LIN28B: variants seen among roughly 807,000 people sequenced by gnomAD.
LIN28B encodes protein lin-28 homolog B.
Under a neutral mutation model 21.9 loss-of-function variants are expected in LIN28B, and 5 were observed. That is an observed-to-expected ratio of 0.23 (90% CI 0.12 to 0.48). The LOEUF (loss-of-function observed/expected upper bound fraction) is 0.48. Among genes scored for constraint, LIN28B ranks in the 20% least tolerant of loss-of-function variants. The pLI, the probability that LIN28B is intolerant of heterozygous loss-of-function variation, is 0.98. For synonymous variants in LIN28B, 109 were observed against 111.3 expected (o/e 0.98, Z 0.13); for missense variants, 245 against 310.5 (o/e 0.79, Z 1.58).
chr6:104,986,155 G>T (rs527929188), intron 2 of LIN28B, among the ~76,000 whole-genome samples: 2 of 151,938 alleles, frequency 1.3e-5, no homozygotes, highest in African/African-American at 4.8e-5. Flanking sequence ...TCTCTTCCTC[G>T]TGCTCTAGCC....
chr6:104,981,629 G>A lies in LIN28B; in HGVS notation c.198+23343G>A, dbSNP rs1259984401. On this transcript the variant is annotated intron_variant, in intron 2 of 3. Coordinates refer to ENST00000345080, the MANE Select transcript of LIN28B (RefSeq NM_001004317.4). Reference sequence around the variant, plus strand: ...TGTGTATACTTGTACAGTGCGATTTGTAAAGCCGCTTCCTATTCAAAAGAC... The same window carrying A: ...TGTGTATACTTGTACAGTGCGATTTATAAAGCCGCTTCCTATTCAAAAGAC... Among the ~76,000 whole-genome samples the A allele has an allele frequency of 2.6e-5, 4 of 152,172 alleles. No homozygotes were observed. The East Asian group carries it at 5.8e-4, about 22-fold the overall frequency.
intron 2 of LIN28B, among the ~76,000 whole-genome samples, chr6:104,978,047 G>A (rs1190094013): frequency 6.6e-6 from 1 of 152,158 alleles, no homozygotes; most frequent in Non-Finnish European, 1.5e-5. Context: ...AGAAAACCAA[G>A]TGTTTAACCT....
chr6:104,962,148 A>G (rs918398969), intron 2 of LIN28B, among the ~76,000 whole-genome samples: 3 of 152,124 alleles, frequency 2.0e-5, no homozygotes, highest in Non-Finnish European at 2.9e-5. Context: ...ATAATACTTC[A>G]CATATTGGGT....
chr6:105,066,481 G>T (rs1276860562), intron 3 of LIN28B, among the ~76,000 whole-genome samples: 2 of 152,080 alleles, frequency 1.3e-5, no homozygotes, highest in East Asian at 1.9e-4. Flanking sequence ...AATCTTGTAT[G>T]TACAGTACAT....
chr6:105,046,995 T>A (rs1186811964), intron 3 of LIN28B, among the ~76,000 whole-genome samples: 3 of 152,196 alleles, frequency 2.0e-5, no homozygotes, highest in Non-Finnish European at 4.4e-5. Flanking sequence ...GTAGTTTCTT[T>A]TGCTGTGCAG....
At chr6:105,038,418 C>T (rs6932927) in intron 3 of LIN28B, among the ~76,000 whole-genome samples, 2,516 of 152,204 alleles carry the variant, frequency 0.017, 64 homozygotes, top group African/African-American at 0.058. Context: ...CAGTGGCAGG[C>T]TGCTGTTGGT....
At chr6:105,042,859 C>T (rs1003669912) in intron 3 of LIN28B, among the ~76,000 whole-genome samples, 1 of 152,138 alleles carries the variant, frequency 6.6e-6, no homozygotes, top group Non-Finnish European at 1.5e-5. Flanking sequence ...AACATGAGTA[C>T]AGAGGTGGCT....
chr6:104,966,810 A>T (rs901512684), intron 2 of LIN28B, among the ~76,000 whole-genome samples: 1 of 152,010 alleles, frequency 6.6e-6, no homozygotes, highest in Non-Finnish European at 1.5e-5. Flanking sequence ...TTTAGTAGAG[A>T]TGGGGTTTCA....
chr6:104,975,937 C>G (rs1387993642), intron 2 of LIN28B, among the ~76,000 whole-genome samples: 1 of 151,646 alleles, frequency 6.6e-6, no homozygotes, highest in Non-Finnish European at 1.5e-5. Context: ...CCACCTTGGC[C>G]TCCCAAAGTG....
At chr6:104,982,670 G>A (rs1770251406) in intron 2 of LIN28B, among the ~76,000 whole-genome samples, 1 of 152,150 alleles carries the variant, frequency 6.6e-6, no homozygotes, top group Admixed American at 6.5e-5. Context: ...GTTGCATGGA[G>A]ACAAGTACTG....
intron 2 of LIN28B, among the ~76,000 whole-genome samples, chr6:105,013,386 G>A (rs1301679968): frequency 1.3e-5 from 2 of 151,596 alleles, no homozygotes; most frequent in South Asian, 2.1e-4. Flanking sequence ...TTCTATTTAT[G>A]TATCTTTTTT....
At chr6:104,958,342 C>G in intron 2 of LIN28B, 56 bp downstream of exon 2, 2 of 1,359,198 alleles carry the variant, frequency 1.5e-6, no homozygotes, top group Non-Finnish European at 2.0e-6. Flanking sequence ...AGGAGCTGAT[C>G]GGTAGTTATG....
At chr6:104,974,441 A>G (rs371083958) in intron 2 of LIN28B, among the ~76,000 whole-genome samples, 44 of 151,004 alleles carry the variant, frequency 2.9e-4, no homozygotes, top group African/African-American at 1.1e-3. Context: ...GTGAGCCAAT[A>G]TCATGCCACT....
intron 3 of LIN28B, among the ~76,000 whole-genome samples, chr6:105,049,969 T>C (rs1385445709): frequency 1.3e-5 from 2 of 152,206 alleles, no homozygotes; most frequent in African/African-American, 4.8e-5. Context: ...TGCCAGTCTG[T>C]GTCTTTTAAT....
chr6:105,049,545 C>T (rs1417760474), intron 3 of LIN28B, among the ~76,000 whole-genome samples: 1 of 152,084 alleles, frequency 6.6e-6, no homozygotes, highest in Non-Finnish European at 1.5e-5. Context: ...GAGTTCAATT[C>T]CTGGATATCC....
At chr6:105,069,896 T>C (rs1772298065) in intron 3 of LIN28B, among the ~76,000 whole-genome samples, 1 of 152,030 alleles carries the variant, frequency 6.6e-6, no homozygotes, top group Non-Finnish European at 1.5e-5. Flanking sequence ...ATTTCAAGGA[T>C]CCATTCTCAA....
At chr6:104,992,984 T>A (rs1418441564) in intron 2 of LIN28B, among the ~76,000 whole-genome samples, 1 of 152,196 alleles carries the variant, frequency 6.6e-6, no homozygotes, top group Non-Finnish European at 1.5e-5. Flanking sequence ...TCTCTTGAGT[T>A]GTTTCTTTTA....
At chr6:105,034,783 A>T (rs118005631) in intron 3 of LIN28B, among the ~76,000 whole-genome samples, 1 of 152,146 alleles carries the variant, frequency 6.6e-6, no homozygotes. Flanking sequence ...TTGTAGAGCC[A>T]TAATTTTGTG....
chr6:105,002,166 ATTTT>A (rs751548299), intron 2 of LIN28B, among the ~76,000 whole-genome samples: 7 of 95,990 alleles, frequency 7.3e-5, no homozygotes, highest in African/African-American at 3.7e-5. Flanking sequence ...ATTCTCTGGT[ATTTT>A]TTTTTTTTTT....
Sources: gnomAD v4.1 joint callset for allele counts (sites outside exome capture counted in the v4.1 genomes callset) on GRCh38, gnomAD v4.1.1 for gene constraint, MANE v1.5 for transcripts, NCBI Gene and HGNC (gene_info 2026-07-23, HGNC 2026-07-21) for gene names.